Variants in GPR26 observed in about 807,000 individuals in gnomAD.
GPR26 encodes the protein G protein-coupled receptor 26.
A neutral mutation model predicts 23.1 loss-of-function variants in GPR26; 15 were observed. That is an observed-to-expected ratio of 0.65 (90% CI 0.43 to 1.00). The LOEUF is 1.00. GPR26 is among the 50% of genes least tolerant of loss of function. The probability of loss-of-function intolerance (pLI) is 0.00; values close to 1 mark genes in which losing one functional copy is unlikely to be tolerated. For synonymous variants in GPR26, 228 were observed against 222.1 expected (o/e 1.03, Z -0.24); for missense variants, 359 against 470.5 (o/e 0.76, Z 2.19).
intron 2 of GPR26, among the ~76,000 whole-genome samples, chr10:123,679,989 T>C (rs571659120): frequency 3.0e-4 from 46 of 152,298 alleles, no homozygotes; most frequent in South Asian, 8.3e-4. Context: ...TCCTGGAAAG[T>C]TCTGGAGCTC....
Position 123,666,669 on chromosome 10 carries a change from T to C in GPR26, c.262T>C (p.Phe88Leu), listed in dbSNP as rs1287296342. The change falls in exon 1 of 3, where the codon TTC becomes CTC. Residue 88 changes from phenylalanine to leucine, a missense_variant. Phe to Leu is a conservative substitution (Grantham distance 22). Coordinates refer to ENST00000284674, the MANE Select transcript of GPR26 (RefSeq NM_153442.4). ...CCGCCTGGCTGCCTTCCTCGACACCTTCCTGGCTGCCAACTCCATGCTCAG... is the reference window on the plus strand; with the variant it reads ...CCGCCTGGCTGCCTTCCTCGACACCCTCCTGGCTGCCAACTCCATGCTCAG... Reference protein sequence around the residue: ...LCRLAAFLDTFLAANSMLSMA... With the variant: ...LCRLAAFLDTLLAANSMLSMA... 2 of 1,599,496 alleles carry C rather than the reference T, an allele frequency of 1.3e-6. No homozygotes were observed. Among genetic ancestry groups the C allele is most frequent in the Non-Finnish European group, 1.7e-6 (2 of 1,178,064 alleles).
At chr10:123,687,845 A>G (rs1845445057) in intron 2 of GPR26, 84 bp from the exon 3 acceptor site, 2 of 882,444 alleles carry the variant, frequency 2.3e-6, no homozygotes, top group Admixed American at 3.6e-5. Flanking sequence ...CGTGGTCTGC[A>G]GGGCACAGAC....
Position 123,696,820 on chromosome 10 carries a change from T to C in GPR26, c.*8660T>C, listed in dbSNP as rs1845549522. ...TTGTGTGCCCATGATTTTATGCATA[T>C]AGGTGAATATTTGTGTGCCCATGAG... is the stretch of plus-strand genomic sequence containing the variant. On this transcript the variant is annotated 3_prime_UTR_variant, in exon 3 of 3. Transcript: ENST00000284674. 1.3e-5 allele frequency among the ~76,000 whole-genome samples: 2 copies of C among 151,854 alleles called. No homozygotes were observed. The highest frequency in any genetic ancestry group is 4.8e-5 in the African/African-American group (2 of 41,300).
rs762682756 is a variant in GPR26, at chr10:123,666,647, C to G, written c.240C>G (p.Arg80=). ...AGCCGGCGGGCGACCGCCTGTGCCG[C>G]CTGGCTGCCTTCCTCGACACCTTCC... The part of the protein sequence containing the change: ...QRQPAGDRLC[R]LAAFLDTFLA... Residue 80 remains arginine, a synonymous_variant, in exon 1 of 3, where the codon CGC becomes CGG. Transcript: ENST00000284674. 162 of 1,596,376 alleles carry G rather than the reference C, an allele frequency of 1.0e-4. No individual in the cohort carries two copies. Among genetic ancestry groups the G allele is most frequent in the Non-Finnish European group, 1.3e-4 (152 of 1,175,992 alleles).
intron 2 of GPR26, among the ~76,000 whole-genome samples, chr10:123,687,129 G>C (rs1845437897): frequency 1.3e-5 from 2 of 152,024 alleles, no homozygotes; most frequent in South Asian, 4.2e-4. Flanking sequence ...TACATGGGCT[G>C]TGTCTTTCCT....
rs1407905444 is a variant in GPR26, at chr10:123,696,361, A to G, written c.*8201A>G. Among the ~76,000 whole-genome samples, 2 of 152,100 alleles carry G rather than the reference A, an allele frequency of 1.3e-5. No individual in the cohort carries two copies. The highest frequency in any genetic ancestry group is 1.3e-4 in the Admixed American group (2 of 15,268). On this transcript the variant is annotated 3_prime_UTR_variant, in exon 3 of 3. Coordinates refer to ENST00000284674, the MANE Select transcript of GPR26 (RefSeq NM_153442.4). Reference sequence around the variant, plus strand: ...CTAGTAATGAGGGCACTGAACACCAATTCTTTACATTCCTTGAATTTTCAT... The same window carrying G: ...CTAGTAATGAGGGCACTGAACACCAGTTCTTTACATTCCTTGAATTTTCAT...
intron 2 of GPR26, among the ~76,000 whole-genome samples, chr10:123,679,472 C>T (rs1845344740): frequency 6.6e-6 from 1 of 152,198 alleles, no homozygotes; most frequent in African/African-American, 2.4e-5. Flanking sequence ...CACACTGAAC[C>T]AGTTCAGTTA....
intron 1 of GPR26, among the ~76,000 whole-genome samples, chr10:123,673,393 A>T (rs574766084): frequency 6.6e-6 from 1 of 152,276 alleles, no homozygotes; most frequent in African/African-American, 2.4e-5. Context: ...GCATTTTTTT[A>T]ACAGACTGCC....
Position 123,696,934 on chromosome 10 carries a change from T to C in GPR26, c.*8774T>C, listed in dbSNP as rs575655777. On this transcript the variant is annotated 3_prime_UTR_variant, in exon 3 of 3. Coordinates refer to ENST00000284674, the MANE Select transcript of GPR26 (RefSeq NM_153442.4). ...GCCCATGAGTATATGCATATGGGTA[T>C]ATGTTTGTGTGCCCGTGATTATATG... is the stretch of plus-strand genomic sequence containing the variant. Among the ~76,000 whole-genome samples, 2 of 150,950 alleles carry C rather than the reference T, an allele frequency of 1.3e-5. No individual in the cohort carries two copies. The highest frequency in any genetic ancestry group is 3.9e-4 in the East Asian group (2 of 5,174).
rs761985648 is a variant in GPR26, at chr10:123,666,571, G to A, written c.164G>A (p.Cys55Tyr). ...AACCTCACGTGCGGGAACCTGCTGT[G>A]CACCGTGGTCAACATGCCGCTCACG... is the stretch of plus-strand genomic sequence containing the variant. ...TLNLTCGNLL[C>Y]TVVNMPLTLA... is the part of the protein sequence containing the mutation. Residue 55 changes from cysteine (C) to tyrosine (Y), a missense_variant, in exon 1 of 3, where the codon TGC becomes TAC. By Grantham distance (194) the Cys-to-Tyr change is radical (BLOSUM62 -2). Coordinates refer to ENST00000284674, the MANE Select transcript of GPR26 (RefSeq NM_153442.4). 6.3e-7 allele frequency: 1 copy of A among 1,598,026 alleles called. No homozygotes were observed. The highest frequency in any genetic ancestry group is 1.7e-5 in the Admixed American group (1 of 58,650).
intron 1 of GPR26, among the ~76,000 whole-genome samples, chr10:123,673,637 A>G (rs1291399066): frequency 6.6e-6 from 1 of 152,086 alleles, no homozygotes; most frequent in Non-Finnish European, 1.5e-5. Context: ...TAGCTTCTTC[A>G]AGCTTGGTCC....
At position 123,674,811 on chromosome 10, in the gene GPR26, C is replaced by G; in HGVS notation, c.669-7C>G. 6.2e-7 allele frequency: 1 copy of G among 1,602,768 alleles called. No individual in the cohort carries two copies. Among genetic ancestry groups the G allele is most frequent in the Non-Finnish European group, 8.5e-7 (1 of 1,170,198 alleles). On this transcript the variant is annotated splice_polypyrimidine_tract_variant and splice_region_variant and intron_variant, in intron 1 of 2. Coordinates refer to ENST00000284674, the MANE Select transcript of GPR26 (RefSeq NM_153442.4). This position sits in a 1 kb window ranked among gnomAD's most constrained non-coding sequence, Gnocchi z 4.1. ...GTAGTTCACCTTCTCTCCTCTCTCA[C>G]ATGCAGTGTGCGGGAACGCTGTCTG...
chr10:123,674,702 C>T lies in GPR26; in HGVS notation c.669-116C>T, dbSNP rs1190971601. ...GCCAAGAGTTGACGCTGGGTCTTTC[C>T]GACTCCATAGTCAAGTTCTCACACT... On this transcript the variant is annotated intron_variant, in intron 1 of 2. Coordinates refer to ENST00000284674, the MANE Select transcript of GPR26 (RefSeq NM_153442.4). This position sits in a 1 kb window ranked among gnomAD's most constrained non-coding sequence, Gnocchi z 4.1. 1.5e-5 allele frequency: 10 copies of T among 656,828 alleles called. No homozygotes were observed. The highest frequency in any genetic ancestry group is 1.0e-4 in the Admixed American group (4 of 39,704). 40.7% of individuals were successfully genotyped at this position (656,828 alleles called of 1,614,324 possible).
rs1845536690 is a variant in GPR26, at chr10:123,695,718, T to C, written c.*7558T>C. Among the ~76,000 whole-genome samples, 1 of 152,178 alleles carries C rather than the reference T, an allele frequency of 6.6e-6. No homozygotes were observed. Among genetic ancestry groups the C allele is most frequent in the Non-Finnish European group, 1.5e-5 (1 of 68,038 alleles). Reference sequence around the variant, plus strand: ...TTGACATTGCTTTGCACTCAACTCATGTATTACCAAATCTTTGCTTGAATT... The same window carrying C: ...TTGACATTGCTTTGCACTCAACTCACGTATTACCAAATCTTTGCTTGAATT... On this transcript the variant is annotated 3_prime_UTR_variant, in exon 3 of 3. Transcript: ENST00000284674.
At chr10:123,679,829 A>G (rs1438615943) in intron 2 of GPR26, among the ~76,000 whole-genome samples, 1 of 152,014 alleles carries the variant, frequency 6.6e-6, no homozygotes, top group Non-Finnish European at 1.5e-5. Context: ...CCCCTTCCCC[A>G]GGATCCTCTA....
chr10:123,690,415 GCT>G lies in GPR26; in HGVS notation c.*2258_*2259del, dbSNP rs1367925042. 6.6e-6 allele frequency: 1 copy of G among 152,196 alleles called. No homozygotes were observed. 9.4% of individuals were successfully genotyped at this position (152,196 alleles called of 1,614,324 possible). A position where few individuals can be genotyped will look rare whatever the true frequency, so the allele number is the denominator to read the frequency against. ...CTTTGGGAGAATAACTGTGGCACAT[GCT>G]CTTTCTGCTTTCTCTGTACTGTATA... On this transcript the variant is annotated 3_prime_UTR_variant, in exon 3 of 3. Transcript: ENST00000284674.
At chr10:123,681,015 T>C (rs1845368980) in intron 2 of GPR26, among the ~76,000 whole-genome samples, 1 of 151,982 alleles carries the variant, frequency 6.6e-6, no homozygotes, top group Non-Finnish European at 1.5e-5. Context: ...ATTCTGATAT[T>C]TTTAGTAGAG....
chr10:123,667,230 G>A (rs1589921904), intron 1 of GPR26, among the ~76,000 whole-genome samples, 155 bp downstream of exon 1: 1 of 152,304 alleles, frequency 6.6e-6, no homozygotes, highest in East Asian at 1.9e-4. Flanking sequence ...GCTTAAGGAG[G>A]TGCTTAGGGT....
chr10:123,679,125 G>A (rs1232376153), intron 2 of GPR26, among the ~76,000 whole-genome samples: 1 of 152,208 alleles, frequency 6.6e-6, no homozygotes, highest in African/African-American at 2.4e-5. Context: ...GCTGAAGGCA[G>A]ACCTCTGAAA....
Sources: gnomAD v4.1 joint callset for allele counts (sites outside exome capture counted in the v4.1 genomes callset) on GRCh38, gnomAD v4.1.1 for gene constraint, Gnocchi (gnomAD v3.1) non-coding constraint, MANE v1.5 for transcripts, NCBI Gene and HGNC (gene_info 2026-07-23, HGNC 2026-07-21) for gene names.